Variants in GOLGA1 observed in about 807,000 individuals in gnomAD.
The protein encoded by GOLGA1 is golgin subfamily A member 1.
In GOLGA1, 63 loss-of-function variants were observed where a neutral mutation model predicts 119.7. The ratio of observed to expected loss-of-function variants is 0.53; its 90% CI spans 0.43 to 0.65. GOLGA1 has a LOEUF of 0.65. Ranked by LOEUF, GOLGA1 falls within the 30% of genes least tolerant of loss-of-function variation. GOLGA1 has a pLI of 0.00. For missense variants in GOLGA1, 798 were observed against 912.8 expected, an observed-to-expected ratio of 0.87 and a Z score of 1.62; for synonymous variants, 318 against 333.4, an observed-to-expected ratio of 0.95 and a Z score of 0.50.
At chr9:124,902,492 A>T (rs1435548875) in intron 12 of GOLGA1, among the ~76,000 whole-genome samples, 8 of 145,342 alleles carry the variant, frequency 5.5e-5, no homozygotes, top group African/African-American at 2.0e-4. Context: ...CAAGGAGAGG[A>T]TTTTTTTTCT....
chr9:124,941,725 T>G (rs1831031135), upstream of GOLGA1, among the ~76,000 whole-genome samples: 1 of 152,196 alleles, frequency 6.6e-6, no homozygotes, highest in South Asian at 2.1e-4. Context: ...TGGTGGCAGC[T>G]CACTATATTG....
intron 10 of GOLGA1, among the ~76,000 whole-genome samples, chr9:124,915,050 C>A (rs1162684384): frequency 1.3e-5 from 2 of 152,194 alleles, no homozygotes; most frequent in African/African-American, 4.8e-5. Flanking sequence ...TACTCCCTGA[C>A]ATCAAACCTG....
At chr9:124,896,015 G>A (rs567396009) in intron 15 of GOLGA1, among the ~76,000 whole-genome samples, 6 of 152,326 alleles carry the variant, frequency 3.9e-5, no homozygotes, top group South Asian at 4.1e-4. Flanking sequence ...AGAACCATCC[G>A]GCCTCAAACG....
At position 124,881,358 on chromosome 9, in the gene GOLGA1, G is replaced by A. The variant is rs759148526; in HGVS notation, c.2137-101C>T. On this transcript the variant is annotated intron_variant, in intron 21 of 22. Coordinates refer to ENST00000373555, the MANE Select transcript of GOLGA1 (RefSeq NM_002077.4). The surrounding 1 kb of genome is among the most constrained non-coding windows in gnomAD (Gnocchi z 4.9). Reference sequence around the variant, plus strand: ...ATTTCCTGCTTGCTTTGGTTAGCAGGACCAGGTGGTGGGTGACGCTCTGGC... The same window carrying A: ...ATTTCCTGCTTGCTTTGGTTAGCAGAACCAGGTGGTGGGTGACGCTCTGGC... 53 of 764,836 alleles carry A rather than the reference G, an allele frequency of 6.9e-5. No individual in the cohort carries two copies. Among genetic ancestry groups the A allele is most frequent in the South Asian group, 1.5e-4 (11 of 71,628 alleles). 47.4% of individuals were successfully genotyped at this position (764,836 alleles called of 1,614,324 possible).
At chr9:124,903,651 C>CAAAAAAA (rs11435294) in intron 12 of GOLGA1, among the ~76,000 whole-genome samples, 56 of 91,186 alleles carry the variant, frequency 6.1e-4, no homozygotes, top group East Asian at 1.0e-3. Context: ...AGAAAAAGAC[C>CAAAAAAA]AAAAAAAAAA....
chr9:124,919,936 A>ATATT (rs537511505), intron 10 of GOLGA1, among the ~76,000 whole-genome samples: 1,880 of 151,608 alleles, frequency 0.012, 84 homozygotes, highest in Admixed American at 0.081. Context: ...TATTTTATTT[A>ATATT]TATTTATTTA....
Position 124,879,849 on chromosome 9 carries a change from T to C in GOLGA1, c.*681A>G, listed in dbSNP as rs1442328166. On this transcript the variant is annotated 3_prime_UTR_variant, in exon 23 of 23. Coordinates refer to ENST00000373555, the MANE Select transcript of GOLGA1 (RefSeq NM_002077.4). ...ACAAGTACATTCATTAAAAAGGCAA[T>C]TGAGTGTATTTGGTACTAAGGGTCT... is the stretch of plus-strand genomic sequence containing the variant. 4 of 152,554 alleles carry C rather than the reference T, an allele frequency of 2.6e-5. No homozygotes were observed. Among genetic ancestry groups the C allele is most frequent in the East Asian group, 1.9e-4 (1 of 5,196 alleles). The allele number at this position is 152,554 out of a possible 1,614,324, so 9.5% of individuals were successfully genotyped here.
intron 22 of GOLGA1, 80 bp from the exon 23 acceptor site, chr9:124,880,690 G>A (rs566469780): frequency 1.6e-4 from 136 of 859,636 alleles, no homozygotes; most frequent in Admixed American, 9.4e-4. Context: ...CTCCCCTCCC[G>A]TGAGCCTGTC....
In GOLGA1 at chr9:124,928,266, T is replaced by C. The variant is rs1170124555; in HGVS notation, c.321A>G (p.Gln107=). 2.5e-6 allele frequency: 4 copies of C among 1,600,838 alleles called. No individual in the cohort carries two copies. In the African/African-American group the frequency reaches 4.0e-5, roughly 16 times the overall value. Residue 107 remains glutamine, a synonymous_variant, in exon 6 of 23, where the codon CAA becomes CAG. Coordinates refer to ENST00000373555, the MANE Select transcript of GOLGA1 (RefSeq NM_002077.4). Reference sequence around the variant, plus strand: ...TGGCTTGGAATGTCTCATTCTGCTCTTGAAATTTCCGCATGGAAGCTGTTA... The same window carrying C: ...TGGCTTGGAATGTCTCATTCTGCTCCTGAAATTTCCGCATGGAAGCTGTTA... ...KHQDSSMRKF[Q]EQNETFQANR...
chr9:124,906,017 G>A (rs1830221629), intron 12 of GOLGA1, among the ~76,000 whole-genome samples: 1 of 151,914 alleles, frequency 6.6e-6, no homozygotes, highest in Non-Finnish European at 1.5e-5. Context: ...GAAGGCTGAC[G>A]CAGAAGAATT....
At chr9:124,923,929 T>C (rs996068474) in intron 7 of GOLGA1, among the ~76,000 whole-genome samples, 2 of 152,176 alleles carry the variant, frequency 1.3e-5, no homozygotes, top group Non-Finnish European at 2.9e-5. Flanking sequence ...GATCTCAGCT[T>C]ACTGCATCCT....
rs556946516 is a variant in GOLGA1, at chr9:124,947,727, C to T, written c.-156+191G>A. 9.2e-5 allele frequency: 14 copies of T among 152,216 alleles called. No individual in the cohort carries two copies. The East Asian group carries it at 2.5e-3, about 27-fold the overall frequency. The allele number at this position is 152,216 out of a possible 1,614,324, so 9.4% of individuals were successfully genotyped here. On this transcript the variant is annotated intron_variant, in intron 1 of 4. Transcript: ENST00000421514. ...GCCATTACAAATAAAATAAGAATTT[C>T]AAATAAATAAGGTCAACAAAAGAGC...
chr9:124,910,867 A>G (rs900532434), intron 11 of GOLGA1, among the ~76,000 whole-genome samples: 71 of 152,272 alleles, frequency 4.7e-4, no homozygotes, highest in Admixed American at 3.9e-3. Context: ...GAACAGTTTT[A>G]TTCTGAAACC....
At chr9:124,897,921 A>G (rs935787359) in intron 15 of GOLGA1, among the ~76,000 whole-genome samples, 1 of 152,150 alleles carries the variant, frequency 6.6e-6, no homozygotes, top group Non-Finnish European at 1.5e-5. Flanking sequence ...ACAATGTCCC[A>G]TTATCCAAGG....
chr9:124,917,843 TCTG>T (rs1290233844), intron 10 of GOLGA1, among the ~76,000 whole-genome samples: 5 of 152,136 alleles, frequency 3.3e-5, no homozygotes, highest in African/African-American at 1.2e-4. Context: ...CTGGATCTGA[TCTG>T]ATATATATAT....
In GOLGA1 at chr9:124,883,584, A is replaced by G. The variant is rs377108458; in HGVS notation, c.1906-1015T>C. Among the ~76,000 whole-genome samples the G allele has an allele frequency of 9.9e-5, 15 of 152,246 alleles. No individual in the cohort carries two copies. The East Asian group carries it at 2.9e-3, about 29-fold the overall frequency. ...TGCCTCAGCCTCCTGAGTAGCTGGG[A>G]TTACTGGTTCCCACCACCACGCCCG... On this transcript the variant is annotated intron_variant, in intron 19 of 22. Coordinates refer to ENST00000373555, the MANE Select transcript of GOLGA1 (RefSeq NM_002077.4).
Position 124,889,177 on chromosome 9 carries a change from A to G in GOLGA1, c.1727T>C (p.Leu576Ser). ...ATTGACTGAGAGTGCTTCGGCCTGC[A>G]ATGGGCCCCGCAGCCTCAGCAGGTC... ...QEDLLRLRGP[L>S]QAEALSVNES... is the part of the protein sequence containing the mutation. Residue 576 changes from leucine to serine, a missense_variant, in exon 18 of 23, where the codon TTG becomes TCG. By Grantham distance (145) the Leu-to-Ser change is moderately radical (BLOSUM62 -2). Coordinates refer to ENST00000373555, the MANE Select transcript of GOLGA1 (RefSeq NM_002077.4). 1.2e-6 allele frequency: 2 copies of G among 1,612,368 alleles called. No individual in the cohort carries two copies. The highest frequency in any genetic ancestry group is 1.7e-6 in the Non-Finnish European group (2 of 1,179,882).
At chr9:124,915,791 T>C (rs1046321996) in intron 10 of GOLGA1, among the ~76,000 whole-genome samples, 6 of 131,262 alleles carry the variant, frequency 4.6e-5, no homozygotes, top group Admixed American at 7.7e-5. Context: ...GTCTCAAAAA[T>C]AAATAAATAG....
chr9:124,943,752 C>G (rs905621069), upstream of GOLGA1: 14 of 152,240 alleles, frequency 9.2e-5, no homozygotes, highest in African/African-American at 3.1e-4. Context: ...ATTTTAACTC[C>G]TATTTGATTA....
Sources: allele counts gnomAD v4.1 joint callset (sites outside exome capture counted in the v4.1 genomes callset), GRCh38; gene constraint gnomAD v4.1.1; non-coding constraint Gnocchi (gnomAD v3.1); transcripts MANE v1.5; gene names NCBI Gene and HGNC (gene_info 2026-07-23, HGNC 2026-07-21).